Variants in MAP3K1 observed in about 807,000 individuals in gnomAD.
MAP3K1 encodes mitogen-activated protein kinase kinase kinase 1, also known as MAP/ERK kinase kinase 1.
A neutral mutation model predicts 144.2 loss-of-function variants in MAP3K1; 36 were observed. The ratio of observed to expected loss-of-function variants is 0.25; its 90% confidence interval spans 0.19 to 0.33. MAP3K1 has a LOEUF of 0.33. Among genes scored for constraint, MAP3K1 ranks in the 10% least tolerant of loss-of-function variants. The probability of loss-of-function intolerance (pLI) is 1.00; values close to 1 mark genes in which losing one functional copy is unlikely to be tolerated. For missense variants in MAP3K1, 1,650 were observed against 1,881.9 expected, an observed-to-expected ratio of 0.88 and a Z score of 2.28; for synonymous variants, 718 against 688.7, an observed-to-expected ratio of 1.04 and a Z score of -0.67.
intron 1 of MAP3K1, among the ~76,000 whole-genome samples, chr5:56,824,825 A>G (rs2111760109): frequency 1.3e-5 from 2 of 152,290 alleles, no homozygotes. Context: ...ATCTGTGTGG[A>G]GAAATCTTTT....
intron 1 of MAP3K1, among the ~76,000 whole-genome samples, chr5:56,831,673 A>G (rs1200738379): frequency 6.6e-6 from 1 of 152,244 alleles, no homozygotes; most frequent in Non-Finnish European, 1.5e-5. Context: ...CAAGGTACTT[A>G]TGATTGCTTA....
chr5:56,829,551 A>G lies in MAP3K1; in HGVS notation c.482+13496A>G, dbSNP rs190933377. 7.9e-4 allele frequency among the ~76,000 whole-genome samples: 120 copies of G among 152,236 alleles called. 1 individual carries two copies. The highest frequency in any genetic ancestry group is 3.6e-3 in the Admixed American group (55 of 15,298). The stretch of plus-strand genomic sequence containing the variant: ...ATAATTCATTGCAGAGCACACGGAC[A>G]TTCAGCAGTAATTATTTTTTGTCTT... On this transcript the variant is annotated intron_variant, in intron 1 of 19. Coordinates refer to ENST00000399503, the MANE Select transcript of MAP3K1 (RefSeq NM_005921.2).
intron 1 of MAP3K1, chr5:56,820,448 C>G (rs1746118817): frequency 1.6e-5 from 16 of 984,856 alleles, no homozygotes; most frequent in Non-Finnish European, 1.9e-5. Context: ...AGGTCTCTAC[C>G]CTGTGCTAAG....
At chr5:56,857,119 C>T (rs1747366404) in intron 2 of MAP3K1, among the ~76,000 whole-genome samples, 1 of 152,054 alleles carries the variant, frequency 6.6e-6, no homozygotes, top group African/African-American at 2.4e-5. Context: ...ATCTTAATTT[C>T]AGAAATCTTC....
At chr5:56,849,469 C>T (rs1027647262) in intron 1 of MAP3K1, among the ~76,000 whole-genome samples, 2 of 152,038 alleles carry the variant, frequency 1.3e-5, no homozygotes, top group Non-Finnish European at 2.9e-5. Context: ...GCAGTTGTGC[C>T]GTCTTTAGTC....
chr5:56,828,181 C>G (rs927862870), intron 1 of MAP3K1, among the ~76,000 whole-genome samples: 2 of 152,078 alleles, frequency 1.3e-5, no homozygotes, highest in African/African-American at 2.4e-5. Flanking sequence ...ATCTTGATAA[C>G]AATACATTTT....
Position 56,893,980 on chromosome 5 carries a change from T to C in MAP3K1, c.*300T>C, listed in dbSNP as rs2111976516. The C allele has an allele frequency of 2.3e-6, 1 of 435,128 alleles. No homozygotes were observed. Among genetic ancestry groups the C allele is most frequent in the South Asian group, 2.7e-5 (1 of 36,810 alleles). The allele number at this position is 435,128 out of a possible 1,614,324, so 27.0% of individuals were successfully genotyped here. A position where few individuals can be genotyped will look rare whatever the true frequency, so the allele number is the denominator to read the frequency against. ...ATTGCAGAAGCATAATTTTATTTTT[T>C]TGGAGCACTTTTTCAGCAATATTAG... On this transcript the variant is annotated 3_prime_UTR_variant, in exon 20 of 20. Coordinates refer to ENST00000399503, the MANE Select transcript of MAP3K1 (RefSeq NM_005921.2).
chr5:56,815,696 G>A lies in MAP3K1; in HGVS notation c.123G>A (p.Ala41=). The change falls in exon 1 of 20, where the codon GCG becomes GCA. Residue 41 remains alanine, a synonymous_variant. Coordinates refer to ENST00000399503, the MANE Select transcript of MAP3K1 (RefSeq NM_005921.2). ...CGAGCAGCGCGCCCGCGGCTGCCGC[G>A]GGACTGCTGCGGGAGGCGGGCAGCG... ...LKASSAPAAA[A]GLLREAGSGG... 1.5e-6 allele frequency: 2 copies of A among 1,312,270 alleles called. No homozygotes were observed. The highest frequency in any genetic ancestry group is 1.9e-6 in the Non-Finnish European group (2 of 1,035,198). 81.3% of individuals were successfully genotyped at this position (1,312,270 alleles called of 1,614,324 possible).
intron 1 of MAP3K1, among the ~76,000 whole-genome samples, chr5:56,841,202 TA>T (rs3076543): frequency 0.065 from 9,562 of 147,486 alleles, 366 homozygotes; most frequent in South Asian, 0.14. Context: ...CTTATTGATT[TA>T]AAAAAAAAAA....
At chr5:56,876,210 A>G (rs1242274362) in intron 10 of MAP3K1, among the ~76,000 whole-genome samples, 3 of 152,068 alleles carry the variant, frequency 2.0e-5, no homozygotes, top group Admixed American at 6.5e-5. Context: ...TCATGTGTGT[A>G]CTGTGGCAGC....
intron 1 of MAP3K1, among the ~76,000 whole-genome samples, chr5:56,826,114 C>A (rs955270055): frequency 3.3e-5 from 5 of 152,064 alleles, no homozygotes. Flanking sequence ...CAGCTGATCA[C>A]CCTTCTTTCT....
intron 1 of MAP3K1, among the ~76,000 whole-genome samples, chr5:56,820,220 C>T (rs567865619): frequency 5.9e-5 from 9 of 152,018 alleles, no homozygotes; most frequent in Non-Finnish European, 1.2e-4. Flanking sequence ...AGTGTAATTT[C>T]TGTTTTCTGT....
At position 56,882,298 on chromosome 5, in the gene MAP3K1, G is replaced by A. The variant is rs2111945599; in HGVS notation, c.3098G>A (p.Cys1033Tyr). The change falls in exon 14 of 20, where the codon TGT becomes TAT. Residue 1033 changes from cysteine to tyrosine, a missense_variant. Coordinates refer to ENST00000399503, the MANE Select transcript of MAP3K1 (RefSeq NM_005921.2). ...RKFSLQFHRN[C>Y]PENKDSDKLS... ...TTTTCTCTACAATTCCACAGAAACT[G>A]TCCTGAAAACAAAGACTCAGATAAA... 6.2e-7 allele frequency: 1 copy of A among 1,614,102 alleles called. No homozygotes were observed. The highest frequency in any genetic ancestry group is 8.5e-7 in the Non-Finnish European group (1 of 1,180,026).
intron 17 of MAP3K1, among the ~76,000 whole-genome samples, chr5:56,887,009 TG>T (rs1748397228): frequency 6.6e-6 from 1 of 152,162 alleles, no homozygotes. Context: ...GCGACCCGCT[TG>T]CCTCAGCCTC....
At chr5:56,824,483 G>A (rs1746249817) in intron 1 of MAP3K1, among the ~76,000 whole-genome samples, 1 of 152,234 alleles carries the variant, frequency 6.6e-6, no homozygotes, top group African/African-American at 2.4e-5. Flanking sequence ...CCCAAAGGCA[G>A]CAGTGTTGGC....
At chr5:56,892,359 T>C (rs976394271) in intron 19 of MAP3K1, among the ~76,000 whole-genome samples, 6 of 152,210 alleles carry the variant, frequency 3.9e-5, no homozygotes, top group African/African-American at 1.4e-4. Flanking sequence ...ATGCTTGTGA[T>C]TTTTGCACAT....
intron 1 of MAP3K1, among the ~76,000 whole-genome samples, chr5:56,823,869 A>G (rs1746228781): frequency 6.6e-6 from 1 of 152,214 alleles, no homozygotes; most frequent in Non-Finnish European, 1.5e-5. Flanking sequence ...TGTACTTAAT[A>G]GGGAGTTAAG....
intron 1 of MAP3K1, among the ~76,000 whole-genome samples, chr5:56,847,207 A>G (rs1249554142): frequency 6.6e-6 from 1 of 152,210 alleles, no homozygotes; most frequent in Non-Finnish European, 1.5e-5. Context: ...AAACATGGCC[A>G]CCTGAAAGTT....
chr5:56,818,981 A>G (rs1353399587), intron 1 of MAP3K1, among the ~76,000 whole-genome samples: 1 of 152,172 alleles, frequency 6.6e-6, no homozygotes, highest in Non-Finnish European at 1.5e-5. Context: ...CCTAAAAATT[A>G]CTCTTAAAAT....
Sources: gnomAD v4.1 joint callset for allele counts (sites outside exome capture counted in the v4.1 genomes callset) on GRCh38, gnomAD v4.1.1 for gene constraint, MANE v1.5 for transcripts, NCBI Gene and HGNC (gene_info 2026-07-23, HGNC 2026-07-21) for gene names.